CTNND2: variants seen among roughly 807,000 people sequenced by gnomAD.
CTNND2 encodes the protein catenin delta 2, also known as catenin delta-2.
CTNND2 carries 22 observed loss-of-function variants against 144.4 expected under a neutral mutation model. That is an observed-to-expected ratio of 0.15 (90% CI 0.11 to 0.22). The LOEUF (loss-of-function observed/expected upper bound fraction) is 0.22. Ranked by LOEUF, CTNND2 falls within the 10% of genes least tolerant of loss-of-function variation. The probability of loss-of-function intolerance (pLI) is 1.00; values close to 1 mark genes in which losing one functional copy is unlikely to be tolerated. For missense variants in CTNND2, 1,353 were observed against 1,618.8 expected (o/e 0.84, Z 2.82); for synonymous variants, 751 against 695.6 (o/e 1.08, Z -1.25).
At chr5:11,889,929 C>T (rs1736832369) in intron 1 of CTNND2, among the ~76,000 whole-genome samples, 2 of 152,090 alleles carry the variant, frequency 1.3e-5, no homozygotes, top group Admixed American at 1.3e-4. Flanking sequence ...TTAAAATATT[C>T]TACTTTTCTT....
intron 7 of CTNND2, among the ~76,000 whole-genome samples, chr5:11,366,835 A>C (rs1311307093): frequency 6.6e-6 from 1 of 152,226 alleles, no homozygotes; most frequent in Non-Finnish European, 1.5e-5. Context: ...CTGAACTTTT[A>C]AGTGGTAACA....
At chr5:11,802,324 T>C (rs566377887) in intron 1 of CTNND2, among the ~76,000 whole-genome samples, 11 of 151,932 alleles carry the variant, frequency 7.2e-5, no homozygotes, top group Non-Finnish European at 1.5e-4. Context: ...TCCCAGCACT[T>C]TGGGAGACTA....
intron 1 of CTNND2, among the ~76,000 whole-genome samples, chr5:11,823,606 T>G (rs1014103459): frequency 1.3e-5 from 2 of 152,214 alleles, no homozygotes; most frequent in Non-Finnish European, 2.9e-5. Context: ...TGATGGTATA[T>G]GCTATACTTT....
At chr5:11,446,670 T>C (rs533435247) in intron 3 of CTNND2, among the ~76,000 whole-genome samples, 1 of 152,130 alleles carries the variant, frequency 6.6e-6, no homozygotes, top group Non-Finnish European at 1.5e-5. Context: ...GTTCAGTCTG[T>C]ACCCCACATC....
intron 2 of CTNND2, among the ~76,000 whole-genome samples, chr5:11,628,258 GA>G (rs1379851245): frequency 2.0e-5 from 3 of 152,058 alleles, no homozygotes; most frequent in Non-Finnish European, 4.4e-5. Context: ...AATGGTCCAG[GA>G]TCAAGACACT....
chr5:11,839,741 GA>G, intron 1 of CTNND2, among the ~76,000 whole-genome samples: 1 of 152,138 alleles, frequency 6.6e-6, no homozygotes, highest in African/African-American at 2.4e-5. Flanking sequence ...CTCCAAAAGT[GA>G]GTGTCTCCAG....
At chr5:11,242,357 T>A (rs1580690286) in intron 9 of CTNND2, among the ~76,000 whole-genome samples, 1 of 152,206 alleles carries the variant, frequency 6.6e-6, no homozygotes, top group African/African-American at 2.4e-5. Context: ...AAAATTCTAG[T>A]TGTCTCCTCT....
chr5:11,389,917 CTA>C (rs1248075739), intron 6 of CTNND2, among the ~76,000 whole-genome samples: 6 of 152,202 alleles, frequency 3.9e-5, no homozygotes, highest in African/African-American at 1.4e-4. Flanking sequence ...TACCTTCAGG[CTA>C]TGAGTTATGT....
At chr5:11,692,754 G>A (rs1162408062) in intron 2 of CTNND2, among the ~76,000 whole-genome samples, 1 of 152,132 alleles carries the variant, frequency 6.6e-6, no homozygotes, top group African/African-American at 2.4e-5. Flanking sequence ...GGTGGCTGCC[G>A]CCATGCCTGG....
At chr5:11,864,062 C>T (rs115876225) in intron 1 of CTNND2, among the ~76,000 whole-genome samples, 180 of 152,250 alleles carry the variant, frequency 1.2e-3, no homozygotes, top group African/African-American at 4.1e-3. Flanking sequence ...TCATGTTTCA[C>T]TGCTCTGCTC....
rs61749855 is a variant in CTNND2 at position 11,383,399 on chromosome 5, G to A, written c.1177+1266C>T. On this transcript the variant is annotated intron_variant, in intron 7 of 21. Coordinates refer to ENST00000304623, the MANE Select transcript of CTNND2 (RefSeq NM_001332.4). The stretch of plus-strand genomic sequence containing the variant: ...ACTCGCCCCCTTTTCTAAGCAGATC[G>A]CTACTCCTGAGTCCCTACAGCATGA... 7.8e-4 allele frequency among the ~76,000 whole-genome samples: 118 copies of A among 152,234 alleles called. 5 individuals are homozygous for A. The East Asian group carries it at 0.021, about 28-fold the overall frequency.
intron 2 of CTNND2, among the ~76,000 whole-genome samples, chr5:11,566,542 G>A (rs922503553): frequency 6.6e-6 from 1 of 152,110 alleles, no homozygotes; most frequent in African/African-American, 2.4e-5. Context: ...ATACTTTTAA[G>A]TTGATAACAC....
chr5:11,145,030 A>G (rs1295342292), intron 12 of CTNND2, among the ~76,000 whole-genome samples: 1 of 152,114 alleles, frequency 6.6e-6, no homozygotes, highest in African/African-American at 2.4e-5. Context: ...GCATGACTGC[A>G]GGGCCAGGAA....
chr5:11,637,605 A>G (rs1357768133), intron 2 of CTNND2, among the ~76,000 whole-genome samples: 11 of 152,214 alleles, frequency 7.2e-5, no homozygotes, highest in Admixed American at 7.2e-4. Flanking sequence ...CACATTCTGC[A>G]GTATCGATTC....
chr5:11,626,137 A>G (rs1781139452), intron 2 of CTNND2, among the ~76,000 whole-genome samples: 1 of 152,138 alleles, frequency 6.6e-6, no homozygotes, highest in African/African-American at 2.4e-5. Context: ...AAATGCCAGA[A>G]CTCATTTGGT....
At chr5:11,220,703 GC>G (rs543979770) in intron 10 of CTNND2, among the ~76,000 whole-genome samples, 21 of 152,246 alleles carry the variant, frequency 1.4e-4, no homozygotes, top group Middle Eastern at 6.8e-3. Context: ...AACGCTCTTT[GC>G]CCGTCTCCAT....
intron 15 of CTNND2, chr5:11,083,852 G>T: frequency 9.2e-7 from 1 of 1,092,772 alleles, no homozygotes; most frequent in Non-Finnish European, 1.1e-6. Flanking sequence ...TTCCCCCATG[G>T]GGGCAGGCAC....
intron 1 of CTNND2, among the ~76,000 whole-genome samples, chr5:11,780,083 CGA>C (rs1790461367): frequency 2.0e-5 from 3 of 152,146 alleles, no homozygotes; most frequent in Admixed American, 6.5e-5. Context: ...CCTGGAAAAA[CGA>C]GAGAGGAGGA....
intron 9 of CTNND2, among the ~76,000 whole-genome samples, chr5:11,265,898 G>C (rs1479500350): frequency 6.6e-6 from 1 of 151,736 alleles, no homozygotes; most frequent in East Asian, 1.9e-4. Flanking sequence ...TTTTAGTAGA[G>C]ACTGGGTTTC....
Sources: gnomAD v4.1 joint callset for allele counts (sites outside exome capture counted in the v4.1 genomes callset) on GRCh38, gnomAD v4.1.1 for gene constraint, MANE v1.5 for transcripts, NCBI Gene and HGNC (gene_info 2026-07-23, HGNC 2026-07-21) for gene names.